Variants in TUT4 observed in about 807,000 individuals in gnomAD.
TUT4 encodes the protein terminal uridylyltransferase 4.
In TUT4, 36 loss-of-function variants were observed where a neutral mutation model predicts 192.2. That is an observed-to-expected ratio of 0.19 (90% CI 0.14 to 0.25). The LOEUF (loss-of-function observed/expected upper bound fraction) is 0.25, where lower values mean the gene tolerates loss of function less well. TUT4 is among the 10% of genes least tolerant of loss of function. The pLI, the probability that TUT4 is intolerant of heterozygous loss-of-function variation, is 1.00. For missense variants in TUT4, 1,493 were observed against 1,957.2 expected, an observed-to-expected ratio of 0.76 and a Z score of 4.47; for synonymous variants, 618 against 666.0, an observed-to-expected ratio of 0.93 and a Z score of 1.11.
intron 1 of TUT4, among the ~76,000 whole-genome samples, chr1:52,543,319 T>A (rs1687210382): frequency 6.6e-6 from 1 of 152,140 alleles, no homozygotes; most frequent in Non-Finnish European, 1.5e-5. Context: ...AGGGAAATTT[T>A]AAAAATTCCA....
chr1:52,449,048 A>G (rs921607947), intron 20 of TUT4, among the ~76,000 whole-genome samples: 5 of 151,928 alleles, frequency 3.3e-5, no homozygotes, highest in Admixed American at 1.3e-4. Flanking sequence ...CCCCAGAAGC[A>G]CTAATGCTAT....
At chr1:52,462,968 G>A in intron 16 of TUT4, 1 of 985,398 alleles carries the variant, frequency 1.0e-6, no homozygotes, top group Non-Finnish European at 1.2e-6. Flanking sequence ...AGGAGCCATT[G>A]CAGCTAAACC....
chr1:52,472,973 GTAC>G (rs1666171225), intron 13 of TUT4, among the ~76,000 whole-genome samples: 2 of 152,102 alleles, frequency 1.3e-5, no homozygotes, highest in South Asian at 2.1e-4. Flanking sequence ...CTAATTAACA[GTAC>G]TACAAGAATC....
In TUT4 at chr1:52,553,075, T is replaced by C; in HGVS notation, c.-238A>G. On this transcript the variant is annotated 5_prime_UTR_variant, in exon 1 of 30. Transcript: ENST00000257177. ...ACTAGCTCAGGACTCCACCGCCATG[T>C]CCGCCGCGCCGCGAACTGCATTGTG... 7.1e-6 allele frequency: 1 copy of C among 141,128 alleles called. No homozygotes were observed. Among genetic ancestry groups the C allele is most frequent in the Non-Finnish European group, 1.5e-5 (1 of 65,056 alleles). The allele number at this position is 141,128 out of a possible 1,614,324, so 8.7% of individuals were successfully genotyped here. A position where few individuals can be genotyped will look rare whatever the true frequency, so the allele number is the denominator to read the frequency against.
chr1:52,501,018 A>C (rs1030748165), intron 4 of TUT4, among the ~76,000 whole-genome samples: 2 of 152,246 alleles, frequency 1.3e-5, no homozygotes, highest in African/African-American at 4.8e-5. Context: ...AGAAAAAAAC[A>C]GAAGGTAAGT....
At chr1:52,436,150 A>G (rs911807019) in intron 26 of TUT4, among the ~76,000 whole-genome samples, 18 of 152,240 alleles carry the variant, frequency 1.2e-4, no homozygotes, top group African/African-American at 4.3e-4. Context: ...AGTCTCTTGT[A>G]AAGAATGTTA....
chr1:52,472,253 T>C (rs905095225), intron 13 of TUT4, 151 bp from the exon 14 acceptor site: 1 of 850,622 alleles, frequency 1.2e-6, no homozygotes, highest in Non-Finnish European at 1.7e-6. Context: ...GTTGTTAAAA[T>C]GCAGTATTAG....
intron 12 of TUT4, among the ~76,000 whole-genome samples, chr1:52,475,857 T>C (rs114734422): frequency 0.019 from 2,946 of 152,182 alleles, 93 homozygotes; most frequent in African/African-American, 0.068. Flanking sequence ...TTTTTTTTTT[T>C]CTTTTGAGAT....
Position 52,425,373 on chromosome 1 carries a change from G to T in TUT4, c.4846C>A (p.Pro1616Thr), listed in dbSNP as rs754325439. The change falls in exon 29 of 30, where the codon CCC becomes ACC. Residue 1616 changes from proline (P) to threonine (T), a missense_variant. Transcript: ENST00000257177. ...CCTTGAGTATAGAAAGGTTTGTTGG[G>T]CTGGAATCGGGCATTTCCCTGATGC... ...FMHQGNARFQ[P>T]NKPFYTQDRC... is the part of the protein sequence containing the mutation. The T allele has an allele frequency of 6.2e-7, 1 of 1,613,680 alleles. No homozygotes were observed. The highest frequency in any genetic ancestry group is 1.7e-5 in the Admixed American group (1 of 59,986).
chr1:52,482,006 A>G (rs1668594417), intron 9 of TUT4, 83 bp from the exon 10 acceptor site: 1 of 1,198,770 alleles, frequency 8.3e-7, no homozygotes, highest in Non-Finnish European at 1.1e-6. Flanking sequence ...TCCTACCCTA[A>G]TCATTGTAAA....
intron 3 of TUT4, among the ~76,000 whole-genome samples, chr1:52,513,162 T>C (rs1378195844): frequency 6.8e-6 from 1 of 146,042 alleles, no homozygotes; most frequent in African/African-American, 2.5e-5. Context: ...GCCCGAGCAC[T>C]GTGGCTCACA....
At chr1:52,506,895 T>C (rs1400161666) in intron 4 of TUT4, among the ~76,000 whole-genome samples, 1 of 152,252 alleles carries the variant, frequency 6.6e-6, no homozygotes, top group Non-Finnish European at 1.5e-5. Context: ...AGTATTTTTG[T>C]ATTTCTGTAA....
At chr1:52,538,670 A>G (rs1279347418) in intron 1 of TUT4, 1 of 145,198 alleles carries the variant, frequency 6.9e-6, no homozygotes, top group African/African-American at 2.6e-5. Flanking sequence ...AAAAGAAAAG[A>G]AAAAAAAAAA....
Position 52,509,625 on chromosome 1 carries a change from T to C in TUT4, c.970A>G (p.Lys324Glu), listed in dbSNP as rs752408598. The C allele has an allele frequency of 6.2e-7, 1 of 1,600,106 alleles. No homozygotes were observed. Among genetic ancestry groups the C allele is most frequent in the Non-Finnish European group, 8.6e-7 (1 of 1,169,304 alleles). Residue 324 changes from lysine to glutamate, a missense_variant, in exon 4 of 30, where the codon AAG becomes GAG. Lys to Glu is a moderately conservative substitution (Grantham distance 56). Transcript: ENST00000257177. ...ENIQGAHKHI[K>E]EKRHKKNILE... is the part of the protein sequence containing the mutation. ...ATATTTTTCTTATGTCGTTTCTCCT[T>C]TATATGTTTATGAGCCCCCTGGATA...
intron 8 of TUT4, among the ~76,000 whole-genome samples, 195 bp downstream of exon 8, chr1:52,490,537 A>G (rs1670896648): frequency 6.6e-6 from 1 of 152,054 alleles, no homozygotes; most frequent in Non-Finnish European, 1.5e-5. Context: ...TTTATTTTCA[A>G]CTGTCTGATG....
intron 1 of TUT4, among the ~76,000 whole-genome samples, chr1:52,537,197 A>G (rs78880612): frequency 0.033 from 5,048 of 152,264 alleles, 208 homozygotes; most frequent in African/African-American, 0.097. Context: ...TAAAAAAAAG[A>G]GAGAGATTGG....
chr1:52,545,808 A>T (rs115215189), intron 1 of TUT4, among the ~76,000 whole-genome samples: 1,817 of 151,988 alleles, frequency 0.012, 48 homozygotes, highest in African/African-American at 0.043. Flanking sequence ...ATACTCAATG[A>T]TGCTAAGGTG....
chr1:52,538,847 CCTTA>C (rs1243308675), intron 1 of TUT4, among the ~76,000 whole-genome samples: 1 of 152,044 alleles, frequency 6.6e-6, no homozygotes, highest in African/African-American at 2.4e-5. Context: ...TTCATTCCTG[CCTTA>C]CTTACCACCA....
intron 9 of TUT4, among the ~76,000 whole-genome samples, chr1:52,482,303 A>T (rs906692996): frequency 6.6e-6 from 1 of 152,158 alleles, no homozygotes; most frequent in South Asian, 2.1e-4. Flanking sequence ...TCTATTTCCT[A>T]TATAGGTATA....
Sources: gnomAD v4.1 joint callset for allele counts (sites outside exome capture counted in the v4.1 genomes callset) on GRCh38, gnomAD v4.1.1 for gene constraint, MANE v1.5 for transcripts, NCBI Gene and HGNC (gene_info 2026-07-23, HGNC 2026-07-21) for gene names.